TRIO: variants seen among roughly 807,000 people sequenced by gnomAD.
TRIO encodes triple functional domain protein.
Under a neutral mutation model 351.9 loss-of-function variants are expected in TRIO, and 58 were observed. The ratio of observed to expected loss-of-function variants is 0.16; its 90% CI spans 0.13 to 0.21. The LOEUF is 0.21. Ranked by LOEUF, TRIO falls within the 10% of genes least tolerant of loss-of-function variation. The pLI is 1.00. For missense variants in TRIO, 3,201 were observed against 4,027.8 expected (o/e 0.79, Z 5.56); for synonymous variants, 1,758 against 1,595.7 (o/e 1.10, Z -2.42).
intron 34 of TRIO, among the ~76,000 whole-genome samples, chr5:14,437,549 G>C (rs1751680534): frequency 6.6e-6 from 1 of 152,166 alleles, no homozygotes; most frequent in African/African-American, 2.4e-5. Flanking sequence ...CTGAGAGTTA[G>C]AGATCAGGGT....
chr5:14,363,222 A>G (rs896007917), intron 13 of TRIO, among the ~76,000 whole-genome samples: 1 of 150,780 alleles, frequency 6.6e-6, no homozygotes, highest in African/African-American at 2.4e-5. Context: ...CTGTTCTTGA[A>G]CTCCTGACCT....
In TRIO at chr5:14,366,997, G is replaced by A; in HGVS notation, c.2874+18G>A. On this transcript the variant is annotated intron_variant, in intron 16 of 56. Transcript: ENST00000344204. ...CCATTGAGGTAAGGGCGCTGGGCCT[G>A]CCTGTGTGTTGGCTCTTTCATTCCT... 1 of 1,613,566 alleles carries A rather than the reference G, an allele frequency of 6.2e-7. No homozygotes were observed. Among genetic ancestry groups the A allele is most frequent in the Non-Finnish European group, 8.5e-7 (1 of 1,179,808 alleles).
At chr5:14,367,753 A>AC in intron 16 of TRIO, among the ~76,000 whole-genome samples, 1 of 152,216 alleles carries the variant, frequency 6.6e-6, no homozygotes, top group Non-Finnish European at 1.5e-5. Flanking sequence ...AGAAAGCTAC[A>AC]GAAGTTGCCA....
chr5:14,406,474 C>T, intron 32 of TRIO, 99 bp from the exon 33 acceptor site: 1 of 1,140,426 alleles, frequency 8.8e-7, no homozygotes, highest in Non-Finnish European at 1.3e-6. Flanking sequence ...AGCAGGCACT[C>T]ACGAAGGCTG....
At chr5:14,362,078 C>G (rs1579431772) in intron 13 of TRIO, among the ~76,000 whole-genome samples, 1 of 152,306 alleles carries the variant, frequency 6.6e-6, no homozygotes, top group East Asian at 1.9e-4. Flanking sequence ...TGCACCATTG[C>G]ACTCCAGCCT....
intron 34 of TRIO, among the ~76,000 whole-genome samples, chr5:14,443,367 G>A (rs115926952): frequency 0.029 from 4,358 of 152,166 alleles, 88 homozygotes; most frequent in South Asian, 0.047. Flanking sequence ...CTTTTCTAAC[G>A]CTTATAGTAA....
intron 34 of TRIO, among the ~76,000 whole-genome samples, chr5:14,429,170 C>G (rs954581256): frequency 6.6e-6 from 1 of 152,140 alleles, no homozygotes; most frequent in African/African-American, 2.4e-5. Flanking sequence ...AAGTGGCGTT[C>G]CTGGAGGGGA....
chr5:14,198,253 A>G (rs1790893926), intron 1 of TRIO, among the ~76,000 whole-genome samples: 1 of 152,116 alleles, frequency 6.6e-6, no homozygotes, highest in South Asian at 2.1e-4. Context: ...CTATCTTGTG[A>G]TGTGATGTTT....
At chr5:14,304,645 G>C in intron 8 of TRIO, 53 bp downstream of exon 8, 1 of 1,561,364 alleles carries the variant, frequency 6.4e-7, no homozygotes, top group South Asian at 1.2e-5. Flanking sequence ...TTGCATCATA[G>C]TACACCGGAA....
rs142240950 is a variant in TRIO at position 14,444,813 on chromosome 5, T to C, written c.5204-16206T>C. Among the ~76,000 whole-genome samples the C allele has an allele frequency of 1.3e-3, 191 of 152,328 alleles. 1 individual carries two copies. Among genetic ancestry groups the C allele is most frequent in the African/African-American group, 4.2e-3 (175 of 41,572 alleles). ...AGTTATTTGGTATTATAGCCTTTTT[T>C]AGAGTGAATATAAAATCTTGAAATA... On this transcript the variant is annotated intron_variant, in intron 34 of 56. Coordinates refer to ENST00000344204, the MANE Select transcript of TRIO (RefSeq NM_007118.4).
At chr5:14,172,991 C>G (rs1307255566) in intron 1 of TRIO, among the ~76,000 whole-genome samples, 1 of 152,136 alleles carries the variant, frequency 6.6e-6, no homozygotes, top group Non-Finnish European at 1.5e-5. Flanking sequence ...GGGTGGCCCA[C>G]CCACCAGCCC....
intron 10 of TRIO, among the ~76,000 whole-genome samples, chr5:14,331,356 T>C (rs1740890976): frequency 6.6e-6 from 1 of 152,208 alleles, no homozygotes; most frequent in Non-Finnish European, 1.5e-5. Flanking sequence ...CGCCTGACTT[T>C]GGACAAGTCG....
chr5:14,416,508 C>T (rs1749657410), intron 33 of TRIO, among the ~76,000 whole-genome samples: 1 of 151,952 alleles, frequency 6.6e-6, no homozygotes. Context: ...ATTGTAGTGC[C>T]CTTTGAAATA....
At chr5:14,456,739 G>A (rs1275579109) in intron 34 of TRIO, among the ~76,000 whole-genome samples, 2 of 152,202 alleles carry the variant, frequency 1.3e-5, no homozygotes, top group Non-Finnish European at 2.9e-5. Flanking sequence ...CCTGTGCCCA[G>A]TAACTCTGGA....
chr5:14,305,979 G>T (rs1217605977), intron 8 of TRIO, among the ~76,000 whole-genome samples: 1 of 152,214 alleles, frequency 6.6e-6, no homozygotes, highest in Non-Finnish European at 1.5e-5. Context: ...TGGAGCAGTG[G>T]GCTGCTCCCT....
chr5:14,274,009 ATTATT>A (rs1735274969), intron 2 of TRIO, among the ~76,000 whole-genome samples: 2 of 152,192 alleles, frequency 1.3e-5, no homozygotes, highest in African/African-American at 4.8e-5. Context: ...AATTCCAGAT[ATTATT>A]TTATTTATAA....
intron 34 of TRIO, chr5:14,420,234 T>C: frequency 1.5e-6 from 1 of 671,700 alleles, no homozygotes; most frequent in South Asian, 1.9e-5. Flanking sequence ...ATGAGTGATC[T>C]CCTCACTTCC....
rs781136104 is a variant in TRIO, at chr5:14,507,136, G to A, written c.8627G>A (p.Arg2876His). The A allele has an allele frequency of 5.0e-6, 8 of 1,596,378 alleles. No individual in the cohort carries two copies. Among genetic ancestry groups the A allele is most frequent in the South Asian group, 3.4e-5 (3 of 88,328 alleles). The part of the protein sequence containing the change: ...ILVLEMADQG[R>H]LLDCVVRWGS... Reference sequence around the variant, plus strand: ...TGCCTCTTTAGGGCTGACCAGGGTCGCCTCCTGGACTGCGTGGTGCGATGG... The same window carrying A: ...TGCCTCTTTAGGGCTGACCAGGGTCACCTCCTGGACTGCGTGGTGCGATGG... The change falls in exon 56 of 57, where the codon CGC (arginine) becomes CAC (histidine). Residue 2876 changes from arginine to histidine, a missense_variant. Arg to His is a conservative substitution (Grantham distance 29). Coordinates refer to ENST00000344204, the MANE Select transcript of TRIO (RefSeq NM_007118.4).
chr5:14,488,852 T>C, intron 48 of TRIO: 2 of 708,284 alleles, frequency 2.8e-6, no homozygotes, highest in Non-Finnish European at 2.6e-6. Flanking sequence ...CAGAGACTGC[T>C]CTGGGCACCT....
Sources: allele counts gnomAD v4.1 joint callset (sites outside exome capture counted in the v4.1 genomes callset), GRCh38; gene constraint gnomAD v4.1.1; transcripts MANE v1.5; gene names NCBI Gene and HGNC (gene_info 2026-07-23, HGNC 2026-07-21).